The following CNST variants were observed in gnomAD, a reference collection of about 807,000 sequenced individuals.
CNST encodes the protein consortin, connexin sorting protein.
A neutral mutation model predicts 72.4 loss-of-function variants in CNST; 39 were observed. That is an observed-to-expected ratio of 0.54 (90% confidence interval 0.42 to 0.70). The LOEUF is 0.70. Among genes scored for constraint, CNST ranks in the 30% least tolerant of loss-of-function variants. The pLI is 0.00. For synonymous variants in CNST, 332 were observed against 320.1 expected (o/e 1.04, Z -0.40); for missense variants, 871 against 868.5 (o/e 1.00, Z -0.04).
chr1:246,629,456 T>G (rs1664640964), intron 3 of CNST, among the ~76,000 whole-genome samples: 1 of 152,210 alleles, frequency 6.6e-6, no homozygotes, highest in African/African-American at 2.4e-5. Context: ...CTTTATGGTA[T>G]TAGAACTGCT....
At chr1:246,625,013 A>C (rs921782310) in intron 3 of CNST, among the ~76,000 whole-genome samples, 7 of 152,204 alleles carry the variant, frequency 4.6e-5, no homozygotes, top group Non-Finnish European at 8.8e-5. Flanking sequence ...AACAGTTGAA[A>C]GTAATTTGCA....
chr1:246,601,178 A>C (rs929755672), intron 2 of CNST, among the ~76,000 whole-genome samples: 1 of 151,822 alleles, frequency 6.6e-6, no homozygotes, highest in African/African-American at 2.4e-5. Flanking sequence ...GGTGGCATAC[A>C]TCTGTAGTCC....
intron 3 of CNST, among the ~76,000 whole-genome samples, chr1:246,623,831 G>A (rs1239690925): frequency 6.7e-6 from 1 of 148,476 alleles, no homozygotes; most frequent in African/African-American, 2.5e-5. Flanking sequence ...GGAGGTCGAG[G>A]CAGGCAGATT....
At chr1:246,626,300 C>T (rs1194813945) in intron 3 of CNST, among the ~76,000 whole-genome samples, 1 of 151,666 alleles carries the variant, frequency 6.6e-6, no homozygotes, top group Non-Finnish European at 1.5e-5. Context: ...ATCTTCCCAC[C>T]TTGGTGTCCC....
chr1:246,582,580 G>C, intron 1 of CNST, among the ~76,000 whole-genome samples: 1 of 152,274 alleles, frequency 6.6e-6, no homozygotes, highest in East Asian at 1.9e-4. Context: ...ACTAGGGGAA[G>C]AAAAGATGGT....
intron 1 of CNST, among the ~76,000 whole-genome samples, chr1:246,582,356 CT>C (rs35015648): frequency 0.31 from 45,244 of 144,350 alleles, 7,483 homozygotes; most frequent in East Asian, 0.65. Context: ...CACCTCCATG[CT>C]TTTTTTTTTT....
In CNST at chr1:246,591,883, A is replaced by C. The variant is rs749958931; in HGVS notation, c.321A>C (p.Lys107Asn). The change falls in exon 2 of 11, where the codon AAA (lysine) becomes AAC (asparagine). Residue 107 changes from lysine (K) to asparagine (N), a missense_variant. Physicochemically the swap from Lys to Asn is moderately conservative, Grantham distance 94. Transcript: ENST00000366513. ...DEQAFLGKDK[K>N]IPGKRSPRSK... ...AGGCCTTCTTGGGAAAGGACAAAAA[A>C]ATTCCTGGAAAAAGAAGTCCAAGAA... 2.9e-5 allele frequency: 46 copies of C among 1,613,952 alleles called. No individual in the cohort carries two copies. Among genetic ancestry groups the C allele is most frequent in the Non-Finnish European group, 3.8e-5 (45 of 1,180,014 alleles).
chr1:246,576,950 C>T (rs772394312), intron 1 of CNST, among the ~76,000 whole-genome samples: 2 of 151,990 alleles, frequency 1.3e-5, no homozygotes, highest in Non-Finnish European at 2.9e-5. Context: ...AGGCAAGCAC[C>T]AGAGTGGAAA....
chr1:246,652,102 T>C (rs1666477393), intron 9 of CNST, among the ~76,000 whole-genome samples: 1 of 152,232 alleles, frequency 6.6e-6, no homozygotes, highest in Non-Finnish European at 1.5e-5. Flanking sequence ...ATAATACCTA[T>C]AATACACTGA....
rs770150118 is a variant in CNST at position 246,666,304 on chromosome 1, G to A, written c.*399G>A. 40 of 162,584 alleles carry A rather than the reference G, an allele frequency of 2.5e-4. No individual in the cohort carries two copies. The highest frequency in any genetic ancestry group is 4.8e-4 in the Non-Finnish European group (36 of 74,764). 10.1% of individuals were successfully genotyped at this position (162,584 alleles called of 1,614,324 possible). A position where few individuals can be genotyped will look rare whatever the true frequency, so the allele number is the denominator to read the frequency against. Reference sequence around the variant, plus strand: ...CATAGAAGTTGCTTTCCGCCATCACGCAATAAGTTTGTGTGTAATCAGAAG... The same window carrying A: ...CATAGAAGTTGCTTTCCGCCATCACACAATAAGTTTGTGTGTAATCAGAAG... On this transcript the variant is annotated 3_prime_UTR_variant, in exon 11 of 11. Transcript: ENST00000366513.
chr1:246,660,792 CAT>C (rs1392803199), intron 10 of CNST, among the ~76,000 whole-genome samples: 19 of 152,106 alleles, frequency 1.2e-4, no homozygotes, highest in African/African-American at 3.9e-4. Context: ...AAGGGAGAAA[CAT>C]ATAAAATCCA....
At chr1:246,641,868 A>G (rs1558582400) in intron 7 of CNST, 73 bp from the exon 8 acceptor site, 3 of 1,363,118 alleles carry the variant, frequency 2.2e-6, no homozygotes, top group South Asian at 1.2e-5. Flanking sequence ...ACCTTTCCCA[A>G]GTTATTTTCA....
chr1:246,569,133 A>G (rs1282919961), intron 1 of CNST, among the ~76,000 whole-genome samples: 1 of 152,236 alleles, frequency 6.6e-6, no homozygotes, highest in East Asian at 1.9e-4. Flanking sequence ...AGCAGTCTTC[A>G]ATAGAAATAC....
chr1:246,643,040 C>T (rs578084471), intron 8 of CNST, among the ~76,000 whole-genome samples: 10 of 150,152 alleles, frequency 6.7e-5, no homozygotes, highest in Admixed American at 6.7e-4. Context: ...AGGCACACAC[C>T]ACGGCGCCCC....
chr1:246,566,917 C>T, intron 1 of CNST: 1 of 343,514 alleles, frequency 2.9e-6, no homozygotes. Flanking sequence ...AGGGGACTAG[C>T]GCCAGAAGTC....
At chr1:246,574,321 G>C (rs1442357267) in intron 1 of CNST, among the ~76,000 whole-genome samples, 1 of 152,174 alleles carries the variant, frequency 6.6e-6, no homozygotes, top group Non-Finnish European at 1.5e-5. Context: ...GATTACAGGC[G>C]TGAGCCACCG....
In CNST at chr1:246,615,314, T is replaced by C. The variant is rs1366101530; in HGVS notation, c.380-6115T>C. ...CCTCAGCCTCCCGCGTAGCTGGGAC[T>C]ACAGGCGCGTGCCACCAGGCCCGGC... On this transcript the variant is annotated intron_variant, in intron 2 of 10. Transcript: ENST00000366513. Among the ~76,000 whole-genome samples the C allele has an allele frequency of 2.6e-5, 4 of 152,090 alleles. No homozygotes were observed. In the East Asian group the frequency reaches 7.8e-4, roughly 30 times the overall value.
At chr1:246,607,206 G>A (rs371016977) in intron 2 of CNST, 2 of 151,726 alleles carry the variant, frequency 1.3e-5, no homozygotes, top group African/African-American at 2.4e-5. Context: ...CCAGGTCGAC[G>A]GGCGTTCCTG....
intron 1 of CNST, among the ~76,000 whole-genome samples, chr1:246,574,847 T>A (rs1660292379): frequency 6.6e-6 from 1 of 152,150 alleles, no homozygotes; most frequent in African/African-American, 2.4e-5. Context: ...TATGGCTTTA[T>A]AAGGATTCCT....
Sources: gnomAD v4.1 joint callset for allele counts (sites outside exome capture counted in the v4.1 genomes callset) on GRCh38, gnomAD v4.1.1 for gene constraint, MANE v1.5 for transcripts, NCBI Gene and HGNC (gene_info 2026-07-23, HGNC 2026-07-21) for gene names.